Variants in TPD52 observed in about 807,000 individuals in gnomAD.
The protein encoded by TPD52 is tumor protein D52, also known as prostate and colon associated protein.
TPD52 carries 17 observed loss-of-function variants against 31.3 expected under a neutral mutation model. The ratio of observed to expected loss-of-function variants is 0.54; its 90% CI spans 0.37 to 0.82. The LOEUF (loss-of-function observed/expected upper bound fraction) is 0.82, where lower values mean the gene tolerates loss of function less well. Ranked by LOEUF, TPD52 falls within the 40% of genes least tolerant of loss-of-function variation. The probability of loss-of-function intolerance (pLI) is 0.00; values close to 1 mark genes in which losing one functional copy is unlikely to be tolerated. For synonymous variants in TPD52, 83 were observed against 89.6 expected, an observed-to-expected ratio of 0.93 and a Z score of 0.42; for missense variants, 212 against 240.1, an observed-to-expected ratio of 0.88 and a Z score of 0.77.
At chr8:80,122,025 A>C (rs1043927741) in intron 1 of TPD52, among the ~76,000 whole-genome samples, 3 of 150,346 alleles carry the variant, frequency 2.0e-5, no homozygotes, top group Non-Finnish European at 4.4e-5. Context: ...CTTCAAAAGA[A>C]AAAAAAAAAC....
At chr8:80,062,070 A>C (rs1035276330) in intron 2 of TPD52, among the ~76,000 whole-genome samples, 2 of 152,224 alleles carry the variant, frequency 1.3e-5, no homozygotes, top group African/African-American at 4.8e-5. Context: ...GGAAAAGCAG[A>C]TTCTGAAATT....
intron 1 of TPD52, chr8:80,080,629 C>A: frequency 3.0e-6 from 4 of 1,354,644 alleles, no homozygotes; most frequent in Non-Finnish European, 3.8e-6. Flanking sequence ...GGAGCCTTCA[C>A]GCCCCTCCTG....
At chr8:80,157,653 C>T (rs771761591) in intron 1 of TPD52, among the ~76,000 whole-genome samples, 5 of 152,202 alleles carry the variant, frequency 3.3e-5, no homozygotes, top group Non-Finnish European at 7.4e-5. Context: ...TCAGGTTGGC[C>T]CTTAGAAATC....
At chr8:80,125,111 G>A (rs1808513226) in intron 1 of TPD52, among the ~76,000 whole-genome samples, 2 of 152,174 alleles carry the variant, frequency 1.3e-5, no homozygotes, top group South Asian at 4.1e-4. Context: ...TGGGAAGAGT[G>A]GAGATTCAAG....
At chr8:80,140,578 T>C (rs923029376) in intron 1 of TPD52, among the ~76,000 whole-genome samples, 2 of 152,224 alleles carry the variant, frequency 1.3e-5, no homozygotes, top group Admixed American at 6.5e-5. Flanking sequence ...TAAGGCTTCC[T>C]TGTAGCTACG....
chr8:80,094,705 C>T (rs1816596710), intron 1 of TPD52, among the ~76,000 whole-genome samples: 1 of 150,588 alleles, frequency 6.6e-6, no homozygotes, highest in Non-Finnish European at 1.5e-5. Context: ...GAACTGTATA[C>T]TTAAAAATGG....
At chr8:80,122,023 GAAAAA>G in intron 1 of TPD52, among the ~76,000 whole-genome samples, 1 of 146,100 alleles carries the variant, frequency 6.8e-6, no homozygotes, top group East Asian at 2.0e-4. Context: ...ACCTTCAAAA[GAAAAA>G]AAAAAACTCC....
At chr8:80,144,509 G>C (rs944107279) in intron 1 of TPD52, among the ~76,000 whole-genome samples, 1 of 152,172 alleles carries the variant, frequency 6.6e-6, no homozygotes, top group African/African-American at 2.4e-5. Flanking sequence ...GCCAGCACCT[G>C]CCTCTCCATA....
At chr8:80,167,161 A>AG (rs1352664328) in intron 1 of TPD52, among the ~76,000 whole-genome samples, 1 of 152,202 alleles carries the variant, frequency 6.6e-6, no homozygotes, top group East Asian at 1.9e-4. Context: ...ATAAAAATAC[A>AG]TGGCTAAAAT....
rs771767986 is a variant in TPD52 at position 80,095,703 on chromosome 8, T to TC, written c.20-31111_20-31110insG. ...GGCTCATGCCTGTAATCCAAGCACT[T>TC]GGGAGGCCAAGGTGGGAGGATCATG... On this transcript the variant is annotated intron_variant, in intron 1 of 7. Transcript: ENST00000518937. 1.5e-4 allele frequency among the ~76,000 whole-genome samples: 22 copies of TC among 150,868 alleles called. No homozygotes were observed. In the East Asian group the frequency reaches 2.9e-3, roughly 20 times the overall value.
At chr8:80,073,945 A>G (rs10106183) in intron 1 of TPD52, among the ~76,000 whole-genome samples, 1,627 of 152,332 alleles carry the variant, frequency 0.011, 25 homozygotes, top group East Asian at 0.051. Flanking sequence ...GACAAAAATG[A>G]TATCACAGAA....
intron 1 of TPD52, among the ~76,000 whole-genome samples, chr8:80,148,299 C>T (rs1810338810): frequency 1.5e-5 from 2 of 137,840 alleles, no homozygotes; most frequent in African/African-American, 6.2e-5. Flanking sequence ...ATTACAAGTG[C>T]ACCACCATTC....
intron 1 of TPD52, among the ~76,000 whole-genome samples, chr8:80,085,488 T>C (rs1456612921): frequency 6.6e-6 from 1 of 152,072 alleles, no homozygotes; most frequent in Non-Finnish European, 1.5e-5. Flanking sequence ...AGGGAGACAA[T>C]GTGGCTGTCC....
intron 6 of TPD52, among the ~76,000 whole-genome samples, chr8:80,043,086 G>A (rs533047859): frequency 6.6e-6 from 1 of 152,226 alleles, no homozygotes; most frequent in South Asian, 2.1e-4. Flanking sequence ...ATCTTCCCTG[G>A]CAGAATTTCT....
intron 1 of TPD52, among the ~76,000 whole-genome samples, chr8:80,134,281 A>G (rs1809235437): frequency 6.6e-6 from 1 of 152,218 alleles, no homozygotes; most frequent in Non-Finnish European, 1.5e-5. Flanking sequence ...AAAGATCAGA[A>G]CTGATAGTAT....
intron 1 of TPD52, among the ~76,000 whole-genome samples, chr8:80,111,633 C>T (rs1300009565): frequency 6.6e-6 from 1 of 152,174 alleles, no homozygotes; most frequent in Non-Finnish European, 1.5e-5. Context: ...ATTAATAAAT[C>T]ATGCCCAGTG....
chr8:80,064,407 G>A, intron 2 of TPD52, 71 bp downstream of exon 2: 1 of 1,201,956 alleles, frequency 8.3e-7, no homozygotes, highest in Non-Finnish European at 1.2e-6. Flanking sequence ...ATATCACCAT[G>A]TACTTTAGAA....
chr8:80,111,924 C>T lies in TPD52; in HGVS notation c.20-47331G>A, dbSNP rs150387662. Among the ~76,000 whole-genome samples the T allele has an allele frequency of 5.3e-5, 8 of 152,330 alleles. No homozygotes were observed. The South Asian group carries it at 8.3e-4, about 16-fold the overall frequency. ...GTGAATGGCAACAGAATATGCTTAA[C>T]ATGCAATATGTACAGTAAACAGTGG... On this transcript the variant is annotated intron_variant, in intron 1 of 7. Coordinates refer to ENST00000518937, the MANE Select transcript of TPD52 (RefSeq NM_001025253.3).
intron 1 of TPD52, among the ~76,000 whole-genome samples, chr8:80,085,019 G>A (rs151014848): frequency 3.3e-4 from 51 of 152,306 alleles, no homozygotes; most frequent in Middle Eastern, 6.8e-3. Context: ...AAATATTTAT[G>A]AATTTTATAT....
Sources: gnomAD v4.1 joint callset for allele counts (sites outside exome capture counted in the v4.1 genomes callset) on GRCh38, gnomAD v4.1.1 for gene constraint, MANE v1.5 for transcripts, NCBI Gene and HGNC (gene_info 2026-07-23, HGNC 2026-07-21) for gene names.